VPS13B: variants seen among roughly 807,000 people sequenced by gnomAD.
VPS13B encodes the protein intermembrane lipid transfer protein VPS13B.
VPS13B carries 285 observed loss-of-function variants against 426.4 expected under a neutral mutation model. The observed-to-expected ratio is 0.67, with a 90% CI of 0.61 to 0.74. The LOEUF is 0.74. VPS13B is among the 30% of genes least tolerant of loss of function. The probability of loss-of-function intolerance (pLI) is 0.00; values close to 1 mark genes in which losing one functional copy is unlikely to be tolerated. For synonymous variants in VPS13B, 1,676 were observed against 1,676.4 expected (o/e 1.00, Z 0.01); for missense variants, 4,537 against 4,782.6 (o/e 0.95, Z 1.51).
intron 58 of VPS13B, 87 bp downstream of exon 58, chr8:99,862,033 C>A: frequency 7.0e-7 from 1 of 1,432,892 alleles, no homozygotes; most frequent in Non-Finnish European, 9.3e-7. Flanking sequence ...TCGCCTTCTG[C>A]CTGGGAATGA....
At chr8:99,024,080 T>C (rs1842027919) in intron 2 of VPS13B, among the ~76,000 whole-genome samples, 1 of 152,244 alleles carries the variant, frequency 6.6e-6, no homozygotes, top group Non-Finnish European at 1.5e-5. Context: ...TGTTTGTTTG[T>C]TTGTTTGGGT....
chr8:99,334,142 A>C (rs543149926), intron 19 of VPS13B, among the ~76,000 whole-genome samples: 1 of 151,930 alleles, frequency 6.6e-6, no homozygotes, highest in South Asian at 2.1e-4. Flanking sequence ...AAACTACTAG[A>C]CTTTTTTTCC....
intron 31 of VPS13B, among the ~76,000 whole-genome samples, 193 bp from the exon 32 acceptor site, chr8:99,575,465 A>G (rs945081418): frequency 2.0e-5 from 3 of 152,188 alleles, no homozygotes; most frequent in Non-Finnish European, 4.4e-5. Flanking sequence ...ATTTCTCAAG[A>G]TGTTTTCATC....
chr8:99,541,465 C>T (rs1823613790), intron 30 of VPS13B, among the ~76,000 whole-genome samples: 1 of 152,082 alleles, frequency 6.6e-6, no homozygotes, highest in African/African-American at 2.4e-5. Context: ...GCTCTGCATG[C>T]ATTAGGTGTT....
At chr8:99,338,182 TTTG>T (rs1207903376) in intron 19 of VPS13B, among the ~76,000 whole-genome samples, 3 of 152,136 alleles carry the variant, frequency 2.0e-5, no homozygotes, top group Non-Finnish European at 4.4e-5. Flanking sequence ...CTATGTGTTT[TTTG>T]TTTTCTTTCT....
At chr8:99,438,011 AT>A (rs1279442505) in intron 22 of VPS13B, among the ~76,000 whole-genome samples, 5 of 146,356 alleles carry the variant, frequency 3.4e-5, no homozygotes, top group African/African-American at 1.0e-4. Flanking sequence ...GTCCTATGAC[AT>A]GTACTAGCAT....
At chr8:99,354,849 G>A (rs939587654) in intron 19 of VPS13B, among the ~76,000 whole-genome samples, 2 of 152,060 alleles carry the variant, frequency 1.3e-5, no homozygotes, top group Non-Finnish European at 2.9e-5. Context: ...CACATGCAAG[G>A]CCCCAGCAGT....
At chr8:99,722,456 A>G (rs1833168552) in intron 39 of VPS13B, among the ~76,000 whole-genome samples, 1 of 151,934 alleles carries the variant, frequency 6.6e-6, no homozygotes, top group Non-Finnish European at 1.5e-5. Context: ...TAGTTTTATA[A>G]TACAAATCAG....
chr8:99,456,803 C>A (rs1260715983), intron 23 of VPS13B, among the ~76,000 whole-genome samples: 3 of 152,026 alleles, frequency 2.0e-5, no homozygotes. Flanking sequence ...TTAATGCTAG[C>A]CTCAAAGAAT....
Position 99,745,560 on chromosome 8 carries a change from T to C in VPS13B, c.7051-21214T>C, listed in dbSNP as rs1810038283. Among the ~76,000 whole-genome samples the C allele has an allele frequency of 2.0e-5, 3 of 152,138 alleles. No homozygotes were observed. In the South Asian group the frequency reaches 6.2e-4, roughly 31 times the overall value. ...AATTAAACTTTATCATAGGTATGCATGTATAGAAAAGAACATATATAGTGT... is the reference window on the plus strand; with the variant it reads ...AATTAAACTTTATCATAGGTATGCACGTATAGAAAAGAACATATATAGTGT... On this transcript the variant is annotated intron_variant, in intron 39 of 61. Coordinates refer to ENST00000357162, the MANE Select transcript of VPS13B (RefSeq NM_152564.5).
At chr8:99,442,007 G>A (rs1044344925) in intron 22 of VPS13B, among the ~76,000 whole-genome samples, 5 of 152,162 alleles carry the variant, frequency 3.3e-5, no homozygotes, top group African/African-American at 4.8e-5. Context: ...CTAAATTCAC[G>A]TAAAAATAGC....
intron 19 of VPS13B, among the ~76,000 whole-genome samples, chr8:99,328,215 A>C (rs989055720): frequency 6.6e-5 from 10 of 152,164 alleles, no homozygotes; most frequent in Non-Finnish European, 1.0e-4. Flanking sequence ...TGATGATCTG[A>C]GGTGGAACAG....
At position 99,064,935 on chromosome 8, in the gene VPS13B, G is replaced by A. The variant is rs978519548; in HGVS notation, c.291+26369G>A. On this transcript the variant is annotated intron_variant, in intron 3 of 61. Coordinates refer to ENST00000357162, the MANE Select transcript of VPS13B (RefSeq NM_152564.5). ...TCAGCAGAAACTCTACAAGCCAGAAGAGAGTGGGGGCCAATATTCAACATT... is the reference window on the plus strand; with the variant it reads ...TCAGCAGAAACTCTACAAGCCAGAAAAGAGTGGGGGCCAATATTCAACATT... Among the ~76,000 whole-genome samples, 7 of 152,348 alleles carry A rather than the reference G, an allele frequency of 4.6e-5. No individual in the cohort carries two copies. The South Asian group carries it at 1.4e-3, about 32-fold the overall frequency.
intron 25 of VPS13B, among the ~76,000 whole-genome samples, chr8:99,490,166 T>C (rs1266044649): frequency 6.6e-6 from 1 of 152,172 alleles, no homozygotes; most frequent in Non-Finnish European, 1.5e-5. Flanking sequence ...ACTCATGTGG[T>C]TTTTGTCGTT....
At chr8:99,500,970 A>G (rs1342024119) in intron 25 of VPS13B, among the ~76,000 whole-genome samples, 2 of 152,226 alleles carry the variant, frequency 1.3e-5, no homozygotes, top group Non-Finnish European at 2.9e-5. Flanking sequence ...GACCTTATAC[A>G]TATTCAGAGT....
At chr8:99,045,494 CTG>C (rs1191590082) in intron 3 of VPS13B, among the ~76,000 whole-genome samples, 1 of 152,072 alleles carries the variant, frequency 6.6e-6, no homozygotes, top group Admixed American at 6.6e-5. Flanking sequence ...TTCTCCGACT[CTG>C]TGGATTGTCT....
rs1841461222 is a variant in VPS13B at position 99,014,043 on chromosome 8, C to T, written c.147+108C>T. On this transcript the variant is annotated intron_variant, in intron 2 of 61. Transcript: ENST00000357162. Reference sequence around the variant, plus strand: ...ATGCTGTAAAAACGTAACTTTTCTACTGATGTATTTTGAGCTACCCTGAAA... The same window carrying T: ...ATGCTGTAAAAACGTAACTTTTCTATTGATGTATTTTGAGCTACCCTGAAA... The T allele has an allele frequency of 1.7e-5, 24 of 1,437,820 alleles. No individual in the cohort carries two copies. The South Asian group carries it at 2.5e-4, about 15-fold the overall frequency. The allele number at this position is 1,437,820 out of a possible 1,614,324, so 89.1% of individuals were successfully genotyped here.
At chr8:99,557,210 T>A (rs1451945169) in intron 31 of VPS13B, among the ~76,000 whole-genome samples, 1 of 151,922 alleles carries the variant, frequency 6.6e-6, no homozygotes, top group East Asian at 1.9e-4. Flanking sequence ...TATTTAGGGG[T>A]GATTTCTGGG....
intron 30 of VPS13B, among the ~76,000 whole-genome samples, chr8:99,533,226 G>C (rs528590226): frequency 3.3e-5 from 5 of 152,088 alleles, no homozygotes; most frequent in Middle Eastern, 3.4e-3. Context: ...GGCATGAGCC[G>C]TCGTACCTGG....
Sources: allele counts gnomAD v4.1 joint callset (sites outside exome capture counted in the v4.1 genomes callset), GRCh38; gene constraint gnomAD v4.1.1; transcripts MANE v1.5; gene names NCBI Gene and HGNC (gene_info 2026-07-23, HGNC 2026-07-21).